Variants in EBI3 observed in about 807,000 individuals in gnomAD.
The protein encoded by EBI3 is Epstein-Barr virus induced 3.
EBI3 carries 19 observed loss-of-function variants against 21.3 expected under a neutral mutation model. That is an observed-to-expected ratio of 0.89 (90% CI 0.62 to 1.31). EBI3 has a LOEUF of 1.31. Among genes scored for constraint, EBI3 ranks in the 50% most tolerant of loss-of-function variants. The pLI is 0.00. For synonymous variants in EBI3, 154 were observed against 131.2 expected (o/e 1.17, Z -1.19); for missense variants, 331 against 314.0 (o/e 1.05, Z -0.41).
At chr19:4,234,049 T>C (rs1970814878) in intron 3 of EBI3, among the ~76,000 whole-genome samples, 1 of 152,012 alleles carries the variant, frequency 6.6e-6, no homozygotes, top group Non-Finnish European at 1.5e-5. Flanking sequence ...CTACTAAAAA[T>C]ACAAGAATTA....
intron 4 of EBI3, among the ~76,000 whole-genome samples, chr19:4,236,284 G>T (rs901807936): frequency 6.6e-6 from 1 of 151,534 alleles, no homozygotes; most frequent in African/African-American, 2.4e-5. Flanking sequence ...AACCCGGGAG[G>T]TGGAGGTTGC....
At chr19:4,235,166 G>A (rs372160310) in intron 4 of EBI3, among the ~76,000 whole-genome samples, 2 of 150,520 alleles carry the variant, frequency 1.3e-5, no homozygotes, top group African/African-American at 4.9e-5. Context: ...TTACGGGCAC[G>A]TGCCACTATG....
Position 4,229,559 on chromosome 19 carries a change from G to A in EBI3, c.9G>A (p.Pro3=), listed in dbSNP as rs758809339. MT[P]QLLLALVLWA... is the part of the protein sequence containing the mutation. The stretch of plus-strand genomic sequence containing the variant: ...CAGAGCTGGCCGCAGCCATGACCCC[G>A]CAGCTTCTCCTGGCCCTTGTCCTCT... Residue 3 remains proline (P), a synonymous_variant, in exon 1 of 5, where the codon CCG becomes CCA. Transcript: ENST00000221847. 1.2e-5 allele frequency: 20 copies of A among 1,610,810 alleles called. No individual in the cohort carries two copies. Among genetic ancestry groups the A allele is most frequent in the East Asian group, 2.2e-5 (1 of 44,794 alleles).
rs543402039 is a variant in EBI3, at chr19:4,233,064, G to A, written c.201-65G>A. On this transcript the variant is annotated intron_variant, in intron 2 of 4. Coordinates refer to ENST00000221847, the MANE Select transcript of EBI3 (RefSeq NM_005755.3). ...CTCCTTGGGGTCCCGGGTCAGGCCCGGCAGTAGGAGGTGCTGAGGCCACAG... is the reference window on the plus strand; with the variant it reads ...CTCCTTGGGGTCCCGGGTCAGGCCCAGCAGTAGGAGGTGCTGAGGCCACAG... 5.8e-5 allele frequency: 83 copies of A among 1,419,532 alleles called. 1 individual carries two copies. Among genetic ancestry groups the A allele is most frequent in the South Asian group, 5.2e-4 (35 of 67,074 alleles). 87.9% of individuals were successfully genotyped at this position (1,419,532 alleles called of 1,614,324 possible).
chr19:4,234,694 G>T lies in EBI3; in HGVS notation c.407G>T (p.Arg136Leu). 1 of 1,614,042 alleles carries T rather than the reference G, an allele frequency of 6.2e-7. No homozygotes were observed. Among genetic ancestry groups the T allele is most frequent in the Non-Finnish European group, 8.5e-7 (1 of 1,180,020 alleles). The change falls in exon 4 of 5, where the codon CGC (arginine) becomes CTC (leucine). Residue 136 changes from arginine (R) to leucine (L), a missense_variant. Arg to Leu is a moderately radical substitution (Grantham distance 102). Coordinates refer to ENST00000221847, the MANE Select transcript of EBI3 (RefSeq NM_005755.3). Reference protein sequence around the residue: ...IIKPDPPEGVRLSPLAERQLQ... With the variant: ...IIKPDPPEGVLLSPLAERQLQ... ...AAGCCCGACCCTCCAGAAGGCGTGC[G>T]CCTAAGCCCCCTCGCTGAGCGCCAG...
Position 4,237,102 on chromosome 19 carries a change from C to T in EBI3, c.*14C>T. The T allele has an allele frequency of 6.7e-7, 1 of 1,497,752 alleles. No individual in the cohort carries two copies. Among genetic ancestry groups the T allele is most frequent in the Non-Finnish European group, 8.9e-7 (1 of 1,117,500 alleles). The allele number at this position is 1,497,752 out of a possible 1,614,324, so 92.8% of individuals were successfully genotyped here. A position where few individuals can be genotyped will look rare whatever the true frequency, so the allele number is the denominator to read the frequency against. On this transcript the variant is annotated 3_prime_UTR_variant, in exon 5 of 5. Coordinates refer to ENST00000221847, the MANE Select transcript of EBI3 (RefSeq NM_005755.3). The stretch of plus-strand genomic sequence containing the variant: ...CTGGGCAAGTAGCAAGGGCTTCCCG[C>T]TGCCTCCAGACAGCACCTGGGTCCT...
chr19:4,234,761 A>G lies in EBI3; in HGVS notation c.474A>G (p.Pro158=), dbSNP rs201384497. 53 of 1,614,114 alleles carry G rather than the reference A, an allele frequency of 3.3e-5. No individual in the cohort carries two copies. The East Asian group carries it at 6.2e-4, about 19-fold the overall frequency. Residue 158 remains proline, a synonymous_variant, in exon 4 of 5, where the codon CCA becomes CCG. Transcript: ENST00000221847. ...QWEPPGSWPF[P]EIFSLKYWIR... ...AGCCTCCCGGGTCCTGGCCCTTCCC[A>G]GAGATCTTCTCACTGAAGTACTGGA...
Position 4,234,661 on chromosome 19 carries a change from C to G in EBI3, c.380-6C>G. 6.2e-7 allele frequency: 1 copy of G among 1,609,290 alleles called. No homozygotes were observed. Among genetic ancestry groups the G allele is most frequent in the Non-Finnish European group, 8.5e-7 (1 of 1,176,916 alleles). On this transcript the variant is annotated splice_polypyrimidine_tract_variant and splice_region_variant and intron_variant, in intron 3 of 4. Coordinates refer to ENST00000221847, the MANE Select transcript of EBI3 (RefSeq NM_005755.3). ...CCCCTGACCCTGCTTCCTGCTTGTCCGTCAGTCAAGCCCGACCCTCCAGAA... is the reference window on the plus strand; with the variant it reads ...CCCCTGACCCTGCTTCCTGCTTGTCGGTCAGTCAAGCCCGACCCTCCAGAA...
intron 3 of EBI3, 117 bp from the exon 4 acceptor site, chr19:4,234,550 G>C: frequency 6.8e-7 from 1 of 1,469,420 alleles, no homozygotes; most frequent in Non-Finnish European, 9.1e-7. Context: ...GTGACAGAGT[G>C]AGACTCCGTT....
intron 3 of EBI3, 37 bp downstream of exon 3, chr19:4,233,344 G>A: frequency 6.5e-7 from 1 of 1,537,570 alleles, no homozygotes; most frequent in Non-Finnish European, 8.7e-7. Flanking sequence ...GGGCGGGGCT[G>A]CCGTCTCCTT....
rs115278072 is a variant in EBI3, at chr19:4,232,963, C to T, written c.201-166C>T. The T allele has an allele frequency of 3.8e-3, 2,693 of 712,832 alleles. 61 individuals carry two copies. In the African/African-American group the frequency reaches 0.045, roughly 12 times the overall value. 44.2% of individuals were successfully genotyped at this position (712,832 alleles called of 1,614,324 possible). ...CCGTGATGTTGGGGCCCATGCCCTG[C>T]CCCCGGGGGGTGGCACGGCCACCAC... On this transcript the variant is annotated intron_variant, in intron 2 of 4. Transcript: ENST00000221847.
chr19:4,230,970 C>T (rs1970776617), intron 1 of EBI3, among the ~76,000 whole-genome samples: 1 of 152,096 alleles, frequency 6.6e-6, no homozygotes, highest in South Asian at 2.1e-4. Flanking sequence ...CTCAGCTTCC[C>T]TATCTGGAAA....
intron 3 of EBI3, among the ~76,000 whole-genome samples, chr19:4,234,305 C>T (rs1349446844): frequency 6.6e-6 from 1 of 152,166 alleles, no homozygotes; most frequent in Admixed American, 6.6e-5. Context: ...TTGTTTATTT[C>T]CTGTCTTCCC....
At chr19:4,233,402 G>A in intron 3 of EBI3, 95 bp downstream of exon 3, 1 of 1,395,790 alleles carries the variant, frequency 7.2e-7, no homozygotes, top group Non-Finnish European at 9.5e-7. Context: ...TCCTGCGGCT[G>A]CACCTTCACA....
rs772601213 is a variant in EBI3, at chr19:4,231,246, G to A, written c.123G>A (p.Pro41=). Residue 41 remains proline, a synonymous_variant, in exon 2 of 5, where the codon CCG becomes CCA. Transcript: ENST00000221847. ...PRVQCRASRY[P]IAVDCSWTLP... ...TGCAATGCCGAGCCTCTCGGTACCC[G>A]ATCGCCGTGGATTGCTCCTGGACCC... 43 of 1,612,428 alleles carry A rather than the reference G, an allele frequency of 2.7e-5. No individual in the cohort carries two copies. The South Asian group carries it at 3.5e-4, about 13-fold the overall frequency.
intron 1 of EBI3, among the ~76,000 whole-genome samples, chr19:4,230,260 G>T (rs2144673770): frequency 6.6e-6 from 1 of 152,206 alleles, no homozygotes; most frequent in South Asian, 2.1e-4. Context: ...ACATCTCCAT[G>T]TCCTTGAAGA....
rs1468237075 is a variant in EBI3, at chr19:4,233,109, G to A, written c.201-20G>A. The A allele has an allele frequency of 6.4e-7, 1 of 1,554,726 alleles. No homozygotes were observed. Among genetic ancestry groups the A allele is most frequent in the Non-Finnish European group, 8.6e-7 (1 of 1,158,594 alleles). ...CCACAGGCACTCCCTGAGGCGCTCA[G>A]CGAGCCCCACCCTGTGCAGGCTCGG... On this transcript the variant is annotated intron_variant, in intron 2 of 4. Coordinates refer to ENST00000221847, the MANE Select transcript of EBI3 (RefSeq NM_005755.3).
chr19:4,231,464 C>G (rs988568448), intron 2 of EBI3, 141 bp downstream of exon 2: 1 of 1,266,314 alleles, frequency 7.9e-7, no homozygotes, highest in East Asian at 2.8e-5. Context: ...AGGGCGGCCC[C>G]GTCCAATAGA....
intron 4 of EBI3, among the ~76,000 whole-genome samples, chr19:4,236,720 C>T (rs374014453): frequency 7.2e-5 from 11 of 151,960 alleles, no homozygotes; most frequent in African/African-American, 2.4e-4. Flanking sequence ...AGGAAGGATT[C>T]GTAAGAGAGG....
Sources: allele counts gnomAD v4.1 joint callset (sites outside exome capture counted in the v4.1 genomes callset), GRCh38; gene constraint gnomAD v4.1.1; transcripts MANE v1.5; gene names NCBI Gene and HGNC (gene_info 2026-07-23, HGNC 2026-07-21).